The following FHIT variants were observed in gnomAD, a reference collection of about 807,000 sequenced individuals.
FHIT encodes the protein bis(5'-adenosyl)-triphosphatase.
FHIT carries 19 observed loss-of-function variants against 17.9 expected under a neutral mutation model. The ratio of observed to expected loss-of-function variants is 1.06; its 90% confidence interval spans 0.74 to 1.56. The LOEUF is 1.56. FHIT is among the 40% of genes most tolerant of loss of function. The pLI, the probability that FHIT is intolerant of heterozygous loss-of-function variation, is 0.00. For synonymous variants in FHIT, 81 were observed against 69.7 expected, an observed-to-expected ratio of 1.16 and a Z score of -0.81; for missense variants, 248 against 189.2, an observed-to-expected ratio of 1.31 and a Z score of -1.82.
intron 5 of FHIT, among the ~76,000 whole-genome samples, chr3:60,247,970 C>G (rs760999080): frequency 1.3e-4 from 20 of 152,090 alleles, no homozygotes; most frequent in Non-Finnish European, 2.6e-4. Context: ...CACATGGAGC[C>G]TTCGAGGAGA....
At chr3:61,009,458 C>G (rs531067465) in intron 3 of FHIT, among the ~76,000 whole-genome samples, 1 of 152,218 alleles carries the variant, frequency 6.6e-6, no homozygotes, top group Non-Finnish European at 1.5e-5. Flanking sequence ...TAAACTGATG[C>G]CTTAGTGAAA....
At chr3:60,180,228 T>A (rs1434124359) in intron 5 of FHIT, among the ~76,000 whole-genome samples, 1 of 152,188 alleles carries the variant, frequency 6.6e-6, no homozygotes, top group Non-Finnish European at 1.5e-5. Flanking sequence ...GGCAGCAAAG[T>A]GAGTCAAGTT....
At chr3:60,871,408 G>T (rs1374525696) in intron 3 of FHIT, among the ~76,000 whole-genome samples, 1 of 151,906 alleles carries the variant, frequency 6.6e-6, no homozygotes, top group Non-Finnish European at 1.5e-5. Flanking sequence ...TCAGCAAAAG[G>T]AACTCACCAA....
At chr3:60,563,474 T>A (rs1468999350) in intron 4 of FHIT, among the ~76,000 whole-genome samples, 1 of 152,140 alleles carries the variant, frequency 6.6e-6, no homozygotes, top group African/African-American at 2.4e-5. Flanking sequence ...GTAGAAACGA[T>A]AAAGCTTAGT....
In FHIT at chr3:60,542,369, AT is replaced by A. The variant is rs2036212831; in HGVS notation, c.-17-5391del. ...GGATTCAGGTCAGATACTTACTTAG[AT>A]TTTCTAAAATATATGCACCAGCTTG... On this transcript the variant is annotated intron_variant, in intron 4 of 9. Coordinates refer to ENST00000492590, the MANE Select transcript of FHIT (RefSeq NM_002012.4). Among the ~76,000 whole-genome samples, 5 of 152,244 alleles carry A rather than the reference AT, an allele frequency of 3.3e-5. No homozygotes were observed. In the South Asian group the frequency reaches 1.0e-3, roughly 32 times the overall value.
intron 1 of FHIT, among the ~76,000 whole-genome samples, chr3:61,231,931 T>C (rs1405724399): frequency 6.6e-6 from 1 of 152,224 alleles, no homozygotes; most frequent in African/African-American, 2.4e-5. Context: ...GCATAAATTC[T>C]GAATAATGAA....
At chr3:61,130,765 C>T (rs1175242290) in intron 2 of FHIT, among the ~76,000 whole-genome samples, 4 of 152,188 alleles carry the variant, frequency 2.6e-5, no homozygotes, top group Non-Finnish European at 4.4e-5. Flanking sequence ...TCTGCATTTA[C>T]GATAACTCTT....
intron 7 of FHIT, among the ~76,000 whole-genome samples, chr3:59,923,221 C>CAAAAAAAA (rs532237239): frequency 2.4e-4 from 16 of 67,486 alleles, no homozygotes; most frequent in African/African-American, 8.9e-4. Flanking sequence ...CGAGACTCCT[C>CAAAAAAAA]AAAAAAAAAA....
At chr3:60,687,754 A>G (rs1003718553) in intron 4 of FHIT, among the ~76,000 whole-genome samples, 14 of 152,256 alleles carry the variant, frequency 9.2e-5, no homozygotes, top group African/African-American at 3.4e-4. Context: ...AAAGTGTATT[A>G]AAGTGTCATA....
chr3:60,952,936 G>A lies in FHIT; in HGVS notation c.-111+89111C>T, dbSNP rs78081314. Among the ~76,000 whole-genome samples, 364 of 152,216 alleles carry A rather than the reference G, an allele frequency of 2.4e-3. 1 individual carries two copies. The highest frequency in any genetic ancestry group is 8.6e-3 in the African/African-American group (358 of 41,516). On this transcript the variant is annotated intron_variant, in intron 3 of 9. Coordinates refer to ENST00000492590, the MANE Select transcript of FHIT (RefSeq NM_002012.4). ...TTCATTTCCTTATGAGGTATCTCAT[G>A]TCACATAAAACTTATATTAAATAAA...
At chr3:59,781,093 T>C (rs1368746800) in intron 8 of FHIT, among the ~76,000 whole-genome samples, 1 of 152,140 alleles carries the variant, frequency 6.6e-6, no homozygotes, top group African/African-American at 2.4e-5. Flanking sequence ...GTTAAGCCAA[T>C]TTCCCTTAGA....
At chr3:60,393,282 T>C (rs571060535) in intron 5 of FHIT, among the ~76,000 whole-genome samples, 9 of 152,146 alleles carry the variant, frequency 5.9e-5, no homozygotes, top group African/African-American at 1.9e-4. Context: ...AAGATTTTTT[T>C]TGAGAAAAAA....
At chr3:60,515,780 G>A (rs1007656873) in intron 5 of FHIT, among the ~76,000 whole-genome samples, 5 of 152,044 alleles carry the variant, frequency 3.3e-5, no homozygotes, top group Admixed American at 2.6e-4. Context: ...CAACAATTCC[G>A]CTGGGTAGAT....
At chr3:60,535,288 G>C (rs13090516) in intron 5 of FHIT, among the ~76,000 whole-genome samples, 30,476 of 152,110 alleles carry the variant, frequency 0.2, 3,854 homozygotes, top group Non-Finnish European at 0.27. Flanking sequence ...AGGAATGAGA[G>C]TGAATTTAGA....
intron 5 of FHIT, among the ~76,000 whole-genome samples, chr3:60,106,888 T>A (rs1365252331): frequency 6.6e-6 from 1 of 152,214 alleles, no homozygotes. Context: ...TTATCCTTTT[T>A]AATTTGGCAT....
intron 5 of FHIT, among the ~76,000 whole-genome samples, chr3:60,154,456 C>G (rs948883165): frequency 6.6e-6 from 1 of 152,246 alleles, no homozygotes; most frequent in Admixed American, 6.5e-5. Context: ...GCTAGAAACT[C>G]CAATCAGGGC....
At chr3:60,442,727 T>C in intron 5 of FHIT, among the ~76,000 whole-genome samples, 1 of 152,192 alleles carries the variant, frequency 6.6e-6, no homozygotes, top group Non-Finnish European at 1.5e-5. Context: ...GCTTTGTTCT[T>C]TTGGCTCAGG....
intron 5 of FHIT, among the ~76,000 whole-genome samples, chr3:60,391,738 TCATA>T (rs887933454): frequency 1.9e-4 from 29 of 152,322 alleles, no homozygotes; most frequent in African/African-American, 6.7e-4. Context: ...ACTATGATGT[TCATA>T]CAATGATGAA....
chr3:60,410,309 G>T (rs145585905), intron 5 of FHIT, among the ~76,000 whole-genome samples: 2 of 152,062 alleles, frequency 1.3e-5, no homozygotes, highest in Non-Finnish European at 2.9e-5. Context: ...AAGCCTCTCC[G>T]GAGTTAAGGG....
Sources: allele counts gnomAD v4.1 joint callset (sites outside exome capture counted in the v4.1 genomes callset), GRCh38; gene constraint gnomAD v4.1.1; transcripts MANE v1.5; gene names NCBI Gene and HGNC (gene_info 2026-07-23, HGNC 2026-07-21).